The following SRSF3 variants were observed in gnomAD, a reference collection of about 807,000 sequenced individuals.
SRSF3 encodes serine and arginine rich splicing factor 3, also known as serine/arginine-rich splicing factor 3.
For missense variants in SRSF3, 58 were observed against 217.1 expected, an observed-to-expected ratio of 0.27 and a Z score of 4.61; for synonymous variants, 87 against 73.6, an observed-to-expected ratio of 1.18 and a Z score of -0.93.
rs1292481314 is a variant in SRSF3, at chr6:36,603,742, C to G, written c.*1753C>G. ...ATTCTCACATAGCCTACAACCTGTT[C>G]CTGTTAGGAACAAGCCAAGATAGCT... On this transcript the variant is annotated 3_prime_UTR_variant, in exon 6 of 6. Coordinates refer to ENST00000373715, the MANE Select transcript of SRSF3 (RefSeq NM_003017.5). 4.3e-6 allele frequency: 1 copy of G among 230,876 alleles called. No homozygotes were observed. Among genetic ancestry groups the G allele is most frequent in the East Asian group, 6.2e-5 (1 of 16,246 alleles). 14.3% of individuals were successfully genotyped at this position (230,876 alleles called of 1,614,324 possible). A position where few individuals can be genotyped will look rare whatever the true frequency, so the allele number is the denominator to read the frequency against.
intron 2 of SRSF3, among the ~76,000 whole-genome samples, chr6:36,597,359 A>G (rs991499383): frequency 1.3e-5 from 2 of 151,998 alleles, no homozygotes; most frequent in Non-Finnish European, 2.9e-5. Context: ...GACCGCCTTG[A>G]CCTCCCAAAG....
chr6:36,600,072 T>C, intron 3 of SRSF3: 2 of 1,197,768 alleles, frequency 1.7e-6, no homozygotes, highest in Non-Finnish European at 2.1e-6. Context: ...GCCAATCAGC[T>C]CAGCTGTTTA....
At position 36,603,222 on chromosome 6, in the gene SRSF3, C is replaced by T; in HGVS notation, c.*1233C>T. 1 of 224,426 alleles carries T rather than the reference C, an allele frequency of 4.5e-6. No homozygotes were observed. The highest frequency in any genetic ancestry group is 8.9e-6 in the Non-Finnish European group (1 of 112,314). The allele number at this position is 224,426 out of a possible 1,614,324, so 13.9% of individuals were successfully genotyped here. On this transcript the variant is annotated 3_prime_UTR_variant, in exon 6 of 6. Transcript: ENST00000373715. ...CTTTTATCTTTAGCATGAAAACTTT[C>T]CACAGGTCTAAAAATTGCTTCCATT...
At position 36,603,658 on chromosome 6, in the gene SRSF3, C is replaced by G. The variant is rs1201211135; in HGVS notation, c.*1669C>G. On this transcript the variant is annotated 3_prime_UTR_variant, in exon 6 of 6. Transcript: ENST00000373715. The stretch of plus-strand genomic sequence containing the variant: ...AAGTTAAGCATGTTCAAGAAAGACA[C>G]TTTTCAGACAGCCTGTTTATTTACT... 4 of 230,298 alleles carry G rather than the reference C, an allele frequency of 1.7e-5. No homozygotes were observed. The highest frequency in any genetic ancestry group is 3.4e-5 in the Non-Finnish European group (4 of 116,356). The allele number at this position is 230,298 out of a possible 1,614,324, so 14.3% of individuals were successfully genotyped here. A position where few individuals can be genotyped will look rare whatever the true frequency, so the allele number is the denominator to read the frequency against.
At chr6:36,601,252 C>T in intron 4 of SRSF3, 62 bp downstream of exon 4, 1 of 1,567,550 alleles carries the variant, frequency 6.4e-7, no homozygotes, top group Admixed American at 1.7e-5. Context: ...TATTCCTAAA[C>T]TTTTCCAGGT....
chr6:36,599,652 C>T lies in SRSF3; in HGVS notation c.341+669C>T, dbSNP rs1778686484. Reference sequence around the variant, plus strand: ...AGGTGAGTGGAGTCCTTCTAGGAGACAGGAGTTCAAAATCTTGCCCCTTTT... The same window carrying T: ...AGGTGAGTGGAGTCCTTCTAGGAGATAGGAGTTCAAAATCTTGCCCCTTTT... On this transcript the variant is annotated intron_variant, in intron 3 of 5. Transcript: ENST00000373715. The T allele has an allele frequency of 5.3e-5, 24 of 453,498 alleles. 1 individual carries two copies. The highest frequency in any genetic ancestry group is 3.7e-4 in the South Asian group (21 of 56,464). The allele number at this position is 453,498 out of a possible 1,614,324, so 28.1% of individuals were successfully genotyped here. A position where few individuals can be genotyped will look rare whatever the true frequency, so the allele number is the denominator to read the frequency against.
Position 36,601,001 on chromosome 6 carries a change from CTTTTTTTTTTTTTTTTT to C in SRSF3, c.342-142_342-126del, listed in dbSNP as rs775227806. The C allele has an allele frequency of 2.1e-4, 18 of 86,470 alleles. 4 individuals carry two copies. The highest frequency in any genetic ancestry group is 4.2e-4 in the Admixed American group (2 of 4,708). 5.4% of individuals were successfully genotyped at this position (86,470 alleles called of 1,614,324 possible). A position where few individuals can be genotyped will look rare whatever the true frequency, so the allele number is the denominator to read the frequency against. On this transcript the variant is annotated intron_variant, in intron 3 of 5. Transcript: ENST00000373715. ...GCCTTTTTTTTCTTTTCTTTTTTTT[CTTTTTTTTTTTTTTTTT>C]TTTTTTTTGGACGATGGGTGCCAGT...
chr6:36,598,123 C>G (rs890131309), intron 2 of SRSF3, among the ~76,000 whole-genome samples: 1 of 152,050 alleles, frequency 6.6e-6, no homozygotes, highest in African/African-American at 2.4e-5. Flanking sequence ...TAAATACAGC[C>G]TGGTAAATAA....
Position 36,598,843 on chromosome 6 carries a change from C to T in SRSF3, c.207-6C>T, listed in dbSNP as rs1220185716. 6.2e-7 allele frequency: 1 copy of T among 1,611,994 alleles called. No individual in the cohort carries two copies. Among genetic ancestry groups the T allele is most frequent in the East Asian group, 2.2e-5 (1 of 44,886 alleles). On this transcript the variant is annotated splice_region_variant and splice_polypyrimidine_tract_variant and intron_variant, in intron 2 of 5. Transcript: ENST00000373715. ...TGTTTTAAGTTTAATATCTTTGCCC[C>T]CTCAGAACACTATGTGGCTGCCGTG... is the stretch of plus-strand genomic sequence containing the variant.
intron 3 of SRSF3, 29 bp from the exon 4 acceptor site, chr6:36,601,123 G>A (rs773353698): frequency 5.8e-6 from 9 of 1,550,612 alleles, no homozygotes; most frequent in Admixed American, 1.8e-5. Flanking sequence ...AATTGATGAT[G>A]AGCCTAATTT....
Position 36,605,032 on chromosome 6 carries a change from GAA to G in SRSF3, c.*3047_*3048del, listed in dbSNP as rs2127507798. On this transcript the variant is annotated 3_prime_UTR_variant, in exon 6 of 6. Coordinates refer to ENST00000373715, the MANE Select transcript of SRSF3 (RefSeq NM_003017.5). ...AAGATTTCTAGTTAAAGTTACTGAA[GAA>G]AAACTGGGTTGGAAGTACATTTTTC... The G allele has an allele frequency of 6.6e-6, 1 of 152,306 alleles. No individual in the cohort carries two copies. Among genetic ancestry groups the G allele is most frequent in the African/African-American group, 2.4e-5 (1 of 41,576 alleles). 9.4% of individuals were successfully genotyped at this position (152,306 alleles called of 1,614,324 possible).
rs1246815561 is a variant in SRSF3, at chr6:36,594,469, A to G, written c.-15A>G. ...TGGATTTGAGCCGCCGCATTTTTTA[A>G]CCCTAGATCTCGGTAAGAGACCAGC... On this transcript the variant is annotated 5_prime_UTR_variant, in exon 1 of 6. Transcript: ENST00000373715. 1.3e-5 allele frequency: 2 copies of G among 152,252 alleles called. No homozygotes were observed. Among genetic ancestry groups the G allele is most frequent in the Admixed American group, 1.3e-4 (2 of 15,268 alleles). The allele number at this position is 152,252 out of a possible 1,614,324, so 9.4% of individuals were successfully genotyped here. A position where few individuals can be genotyped will look rare whatever the true frequency, so the allele number is the denominator to read the frequency against.
Position 36,602,163 on chromosome 6 carries a change from G to A in SRSF3, c.*174G>A. ...GTGACACAAAGGTGTAATTCTCTAT[G>A]GTTTGAAATGGATCATACGAGGCAT... On this transcript the variant is annotated 3_prime_UTR_variant, in exon 6 of 6. Coordinates refer to ENST00000373715, the MANE Select transcript of SRSF3 (RefSeq NM_003017.5). 1 of 1,250,218 alleles carries A rather than the reference G, an allele frequency of 8.0e-7. No homozygotes were observed. The highest frequency in any genetic ancestry group is 1.1e-6 in the Non-Finnish European group (1 of 930,968). 77.4% of individuals were successfully genotyped at this position (1,250,218 alleles called of 1,614,324 possible). A position where few individuals can be genotyped will look rare whatever the true frequency, so the allele number is the denominator to read the frequency against.
chr6:36,596,574 CGG>C (rs34650091), intron 1 of SRSF3, among the ~76,000 whole-genome samples, 185 bp from the exon 2 acceptor site: 4,909 of 91,940 alleles, frequency 0.053, 511 homozygotes, highest in Non-Finnish European at 0.071. Context: ...GGCGGGGTGG[CGG>C]GGGGGGGGAA....
rs758908331 is a variant in SRSF3 at position 36,601,234 on chromosome 6, G to GTT, written c.380+46_380+47dup. ...TGGCTACGTTCTTAGAAATGGCAGT[G>GTT]TTTCTGCTATTCCTAAACTTTTCCA... On this transcript the variant is annotated intron_variant, in intron 4 of 5. Coordinates refer to ENST00000373715, the MANE Select transcript of SRSF3 (RefSeq NM_003017.5). The GTT allele has an allele frequency of 2.5e-6, 4 of 1,605,534 alleles. No individual in the cohort carries two copies. In the East Asian group the frequency reaches 8.9e-5, roughly 36 times the overall value.
At chr6:36,594,763 C>G (rs1304587174) in intron 1 of SRSF3, 1 of 150,102 alleles carries the variant, frequency 6.7e-6, no homozygotes, top group Non-Finnish European at 1.5e-5. Context: ...CAGGTCACGG[C>G]CTTTTTATTT....
intron 5 of SRSF3, 43 bp downstream of exon 5, chr6:36,601,837 G>GGCC: frequency 6.2e-7 from 1 of 1,602,982 alleles, no homozygotes; most frequent in South Asian, 1.1e-5. Context: ...TGCATACATA[G>GGCC]TATGCTAAGG....
At chr6:36,597,618 C>G (rs1336529853) in intron 2 of SRSF3, among the ~76,000 whole-genome samples, 1 of 151,984 alleles carries the variant, frequency 6.6e-6, no homozygotes, top group African/African-American at 2.4e-5. Flanking sequence ...CCCCCCTTTC[C>G]TCATATTTGG....
rs764386843 is a variant in SRSF3, at chr6:36,598,778, G to A, written c.207-71G>A. The A allele has an allele frequency of 1.1e-4, 174 of 1,551,942 alleles. No homozygotes were observed. The Middle Eastern group carries it at 1.9e-3, about 17-fold the overall frequency. ...TGTTCTTTGCAGAATAGCCAACTGA[G>A]AGTACTTTTGGCTTTAATACGCATG... On this transcript the variant is annotated intron_variant, in intron 2 of 5. Transcript: ENST00000373715.
Sources: allele counts gnomAD v4.1 joint callset (sites outside exome capture counted in the v4.1 genomes callset), GRCh38; gene constraint gnomAD v4.1.1; transcripts MANE v1.5; gene names NCBI Gene and HGNC (gene_info 2026-07-23, HGNC 2026-07-21).